Variants in HMGA2 observed in about 807,000 individuals in gnomAD.
The protein encoded by HMGA2 is high mobility group AT-hook 2.
In HMGA2, 8 loss-of-function variants were observed where a neutral mutation model predicts 19.1. That is an observed-to-expected ratio of 0.42 (90% CI 0.25 to 0.76). The LOEUF is 0.76. Among genes scored for constraint, HMGA2 ranks in the 30% least tolerant of loss-of-function variants. HMGA2 has a pLI of 0.28. For synonymous variants in HMGA2, 60 were observed against 48.8 expected, an observed-to-expected ratio of 1.23 and a Z score of -0.96; for missense variants, 109 against 136.3, an observed-to-expected ratio of 0.80 and a Z score of 1.00.
intron 2 of HMGA2, chr12:65,830,913 C>T (rs1487111754): frequency 1.3e-5 from 2 of 151,888 alleles, no homozygotes; most frequent in East Asian, 3.9e-4. Flanking sequence ...CTTAATATTC[C>T]ATTAAAACTA....
intron 3 of HMGA2, among the ~76,000 whole-genome samples, chr12:65,942,053 C>T (rs769243902): frequency 1.3e-5 from 2 of 152,088 alleles, no homozygotes; most frequent in South Asian, 2.1e-4. Flanking sequence ...ATATTGCCAA[C>T]GTGATTGGAG....
intron 3 of HMGA2, among the ~76,000 whole-genome samples, chr12:65,884,507 A>G (rs1347063823): frequency 6.6e-6 from 1 of 152,232 alleles, no homozygotes; most frequent in East Asian, 1.9e-4. Context: ...ATGCACAAGT[A>G]TATCTACTTT....
chr12:65,915,282 C>G, intron 3 of HMGA2: 3 of 1,467,538 alleles, frequency 2.0e-6, no homozygotes, highest in Non-Finnish European at 2.7e-6. Flanking sequence ...CTTATTCTTT[C>G]TTATGTTTCC....
At chr12:65,843,001 A>C (rs1871069114) in intron 3 of HMGA2, 1 of 441,468 alleles carries the variant, frequency 2.3e-6, no homozygotes, top group East Asian at 5.5e-5. Flanking sequence ...CAAATAATGA[A>C]GACTACATCA....
At chr12:65,856,505 C>T (rs541158638) in intron 3 of HMGA2, 3 of 152,210 alleles carry the variant, frequency 2.0e-5, no homozygotes, top group Non-Finnish European at 4.4e-5. Context: ...ACCCGATCTT[C>T]CTTGGATTTC....
At chr12:65,918,209 T>G (rs1248595449) in intron 3 of HMGA2, among the ~76,000 whole-genome samples, 2 of 152,224 alleles carry the variant, frequency 1.3e-5, no homozygotes, top group Non-Finnish European at 1.5e-5. Context: ...GAAATATGCT[T>G]CTCTGTCTCT....
At chr12:65,963,107 G>A (rs1876799255) in intron 4 of HMGA2, 138 bp from the exon 5 acceptor site, 1 of 755,936 alleles carries the variant, frequency 1.3e-6, no homozygotes, top group South Asian at 1.6e-5. Flanking sequence ...CTGGGAATGA[G>A]GGCTCGCCAG....
intron 3 of HMGA2, among the ~76,000 whole-genome samples, chr12:65,934,448 C>T (rs1198694756): frequency 1.3e-5 from 2 of 152,056 alleles, no homozygotes; most frequent in Non-Finnish European, 2.9e-5. Context: ...CCTTTTATAC[C>T]CCAGCCCACT....
chr12:65,937,014 TC>T (rs2121283276), intron 3 of HMGA2, among the ~76,000 whole-genome samples: 1 of 152,264 alleles, frequency 6.6e-6, no homozygotes, highest in East Asian at 1.9e-4. Context: ...GGAGAATTTT[TC>T]CCAAGGCCAA....
intron 3 of HMGA2, among the ~76,000 whole-genome samples, chr12:65,928,447 A>G (rs938390577): frequency 2.6e-5 from 4 of 152,198 alleles, no homozygotes; most frequent in African/African-American, 9.7e-5. Flanking sequence ...CTTTGTAAAC[A>G]CAGTACACTT....
At chr12:65,840,876 T>C (rs894309346) in intron 3 of HMGA2, among the ~76,000 whole-genome samples, 5 of 152,128 alleles carry the variant, frequency 3.3e-5, no homozygotes, top group African/African-American at 1.2e-4. Context: ...ACCTCCATCA[T>C]ATGGGGCCTC....
chr12:65,859,436 T>A (rs1360336712), intron 3 of HMGA2: 1 of 152,126 alleles, frequency 6.6e-6, no homozygotes, highest in Non-Finnish European at 1.5e-5. Flanking sequence ...GCTAACTGGG[T>A]CTTCATTTGT....
At chr12:65,949,870 AT>A (rs1279052661) in intron 3 of HMGA2, among the ~76,000 whole-genome samples, 2 of 152,138 alleles carry the variant, frequency 1.3e-5, no homozygotes, top group South Asian at 2.1e-4. Flanking sequence ...GAGATAGCAA[AT>A]TTTTTTTAAA....
intron 3 of HMGA2, chr12:65,841,990 T>C (rs1221545408): frequency 1.2e-5 from 11 of 938,016 alleles, no homozygotes; most frequent in Non-Finnish European, 1.5e-5. Flanking sequence ...ATTCCCTTCA[T>C]CTTTTTTTTT....
At chr12:65,831,211 G>T (rs1053810629) in intron 2 of HMGA2, among the ~76,000 whole-genome samples, 2 of 151,736 alleles carry the variant, frequency 1.3e-5, no homozygotes, top group African/African-American at 4.8e-5. Flanking sequence ...TGTGGTGGAT[G>T]GAAATCTTTG....
At chr12:65,848,604 C>A (rs888071096) in intron 3 of HMGA2, among the ~76,000 whole-genome samples, 2 of 152,168 alleles carry the variant, frequency 1.3e-5, no homozygotes, top group African/African-American at 2.4e-5. Flanking sequence ...CGCCTGTAAT[C>A]CCAGCACTTT....
intron 3 of HMGA2, among the ~76,000 whole-genome samples, chr12:65,874,688 C>CT (rs1015398344): frequency 4.7e-4 from 71 of 152,164 alleles, no homozygotes; most frequent in Middle Eastern, 3.4e-3. Flanking sequence ...GGCAAGATAT[C>CT]TTTTTTAAAA....
At chr12:65,886,259 T>A (rs1047942453) in intron 3 of HMGA2, among the ~76,000 whole-genome samples, 1 of 152,174 alleles carries the variant, frequency 6.6e-6, no homozygotes, top group Admixed American at 6.5e-5. Context: ...TAGACCAGAC[T>A]GTTCTTAAGC....
At chr12:65,893,053 T>C (rs547647843) in intron 3 of HMGA2, among the ~76,000 whole-genome samples, 1 of 152,262 alleles carries the variant, frequency 6.6e-6, no homozygotes, top group South Asian at 2.1e-4. Flanking sequence ...CTATGACAGA[T>C]TTATACTGAT....
Sources: gnomAD v4.1 joint callset for allele counts (sites outside exome capture counted in the v4.1 genomes callset) on GRCh38, gnomAD v4.1.1 for gene constraint, MANE v1.5 for transcripts, NCBI Gene and HGNC (gene_info 2026-07-23, HGNC 2026-07-21) for gene names.